ZMYM2: variants seen among roughly 807,000 people sequenced by gnomAD.
The protein encoded by ZMYM2 is zinc finger MYM-type containing 2.
ZMYM2 carries 56 observed loss-of-function variants against 162.8 expected under a neutral mutation model. The observed-to-expected ratio is 0.34, with a 90% CI of 0.28 to 0.43. The LOEUF (loss-of-function observed/expected upper bound fraction) is 0.43, where lower values mean the gene tolerates loss of function less well. ZMYM2 is among the 20% of genes least tolerant of loss of function. ZMYM2 has a pLI of 1.00. For synonymous variants in ZMYM2, 510 were observed against 541.6 expected, an observed-to-expected ratio of 0.94 and a Z score of 0.81; for missense variants, 1,275 against 1,621.8, an observed-to-expected ratio of 0.79 and a Z score of 3.67.
the ZMYM2 span, among the ~76,000 whole-genome samples, chr13:19,918,424 A>G: frequency 6.6e-6 from 1 of 151,924 alleles, no homozygotes; most frequent in East Asian, 1.9e-4. Flanking sequence ...CAGCCTGGGC[A>G]ACAGAGCAAA....
At chr13:20,074,676 C>G (rs1194490012) in intron 21 of ZMYM2, among the ~76,000 whole-genome samples, 1 of 152,016 alleles carries the variant, frequency 6.6e-6, no homozygotes, top group East Asian at 1.9e-4. Flanking sequence ...GTAGCTGGCA[C>G]TACAGGCGCC....
chr13:19,998,611 G>A (rs1407961), intron 3 of ZMYM2, among the ~76,000 whole-genome samples: 26,002 of 152,086 alleles, frequency 0.17, 3,412 homozygotes, highest in African/African-American at 0.37. Flanking sequence ...AAACTGGTCA[G>A]TTACTGTGAT....
Position 20,083,044 on chromosome 13 carries a change from G to T in ZMYM2, c.3820+12G>T. 6.4e-7 allele frequency: 1 copy of T among 1,556,972 alleles called. No homozygotes were observed. Among genetic ancestry groups the T allele is most frequent in the Non-Finnish European group, 8.6e-7 (1 of 1,157,254 alleles). ...AACAGATAATGAAGGTAGTGTAACA[G>T]ATTTCTATTTTTATTTTTATTTTTA... On this transcript the variant is annotated intron_variant, in intron 23 of 24. Coordinates refer to ENST00000610343, the MANE Select transcript of ZMYM2 (RefSeq NM_197968.4).
At chr13:20,016,990 C>T (rs1951684478) in intron 6 of ZMYM2, among the ~76,000 whole-genome samples, 1 of 152,168 alleles carries the variant, frequency 6.6e-6, no homozygotes, top group Non-Finnish European at 1.5e-5. Flanking sequence ...ATTCCATGGG[C>T]CCCTTAGGCT....
intron 21 of ZMYM2, chr13:20,068,223 C>T (rs913280732): frequency 5.5e-6 from 1 of 180,404 alleles, no homozygotes; most frequent in African/African-American, 2.4e-5. Flanking sequence ...TTTTCTTATT[C>T]TCGTTTTATA....
chr13:20,052,731 T>C (rs1052243196), intron 14 of ZMYM2, among the ~76,000 whole-genome samples: 2 of 152,196 alleles, frequency 1.3e-5, no homozygotes, highest in Non-Finnish European at 1.5e-5. Context: ...GAGTAGAAGA[T>C]TGCCAGATAG....
chr13:19,960,925 A>G (rs1282786931), intron 2 of ZMYM2, among the ~76,000 whole-genome samples: 1 of 152,214 alleles, frequency 6.6e-6, no homozygotes, highest in Non-Finnish European at 1.5e-5. Flanking sequence ...ACATGGTTCA[A>G]AAAATAGTGA....
At chr13:20,034,502 C>A (rs1025932230) in intron 11 of ZMYM2, 98 bp downstream of exon 11, 2 of 1,193,778 alleles carry the variant, frequency 1.7e-6, no homozygotes, top group African/African-American at 3.1e-5. Flanking sequence ...TTTAATGTAG[C>A]TGAACAAAAA....
At chr13:20,027,012 G>T (rs1050581453) in intron 8 of ZMYM2, among the ~76,000 whole-genome samples, 191 bp from the exon 9 acceptor site, 2 of 151,830 alleles carry the variant, frequency 1.3e-5, no homozygotes, top group African/African-American at 4.8e-5. Flanking sequence ...CTATATCTAT[G>T]TATGTTTTAG....
rs115187041 is a variant in ZMYM2, at chr13:20,027,476, C to T, written c.1851+158C>T. Among the ~76,000 whole-genome samples the T allele has an allele frequency of 2.4e-3, 370 of 152,104 alleles. 1 individual carries two copies. The highest frequency in any genetic ancestry group is 8.8e-3 in the African/African-American group (364 of 41,526). On this transcript the variant is annotated intron_variant, in intron 9 of 24. Transcript: ENST00000610343. ...CCTAGTCACAGAATATGTGGCTGTACCAGTTTTCTATTTTAGCCTGGATAG... is the reference window on the plus strand; with the variant it reads ...CCTAGTCACAGAATATGTGGCTGTATCAGTTTTCTATTTTAGCCTGGATAG...
chr13:20,008,478 C>T (rs1298525328), intron 6 of ZMYM2, among the ~76,000 whole-genome samples: 2 of 152,202 alleles, frequency 1.3e-5, no homozygotes, highest in Non-Finnish European at 2.9e-5. Flanking sequence ...TAAACTTTAT[C>T]ATAGGTATGT....
chr13:19,992,981 A>T, intron 2 of ZMYM2, 82 bp from the exon 3 acceptor site: 1 of 1,411,060 alleles, frequency 7.1e-7, no homozygotes. Flanking sequence ...AAATAAAAGT[A>T]CCCTTTAAAT....
chr13:19,894,269 C>T, the ZMYM2 span, among the ~76,000 whole-genome samples: 1 of 151,822 alleles, frequency 6.6e-6, no homozygotes, highest in Non-Finnish European at 1.5e-5. Flanking sequence ...TAAATATGCT[C>T]AGATTGTTTA....
chr13:19,900,205 A>C, the ZMYM2 span, among the ~76,000 whole-genome samples: 3 of 152,104 alleles, frequency 2.0e-5, no homozygotes, highest in African/African-American at 7.2e-5. Context: ...AGGCTGAGGC[A>C]TGAGAATCAC....
intron 2 of ZMYM2, among the ~76,000 whole-genome samples, chr13:19,981,186 C>T (rs947054324): frequency 1.3e-5 from 2 of 152,084 alleles, no homozygotes; most frequent in African/African-American, 4.8e-5. Context: ...GTGGGAGAAT[C>T]ACTTGAGTCC....
chr13:19,899,315 CTT>C, the ZMYM2 span, among the ~76,000 whole-genome samples: 1 of 151,892 alleles, frequency 6.6e-6, no homozygotes. Flanking sequence ...TTTTGTAAAA[CTT>C]ATGAAATTCA....
At chr13:19,933,413 G>A in the ZMYM2 span, among the ~76,000 whole-genome samples, 1 of 152,140 alleles carries the variant, frequency 6.6e-6, no homozygotes, top group South Asian at 2.1e-4. Context: ...TGTATGTCTT[G>A]TGTTTATTAT....
the ZMYM2 span, among the ~76,000 whole-genome samples, chr13:19,909,914 A>G: frequency 2.0e-5 from 3 of 151,964 alleles, no homozygotes; most frequent in Admixed American, 1.3e-4. Context: ...GGAAGAAAAC[A>G]TAAAGTTGTA....
chr13:19,920,626 G>A, the ZMYM2 span, among the ~76,000 whole-genome samples: 78 of 151,980 alleles, frequency 5.1e-4, no homozygotes, highest in Admixed American at 1.2e-3. Context: ...AAGGAGAGTC[G>A]GGAGGGGAGC....
Sources: allele counts gnomAD v4.1 joint callset (sites outside exome capture counted in the v4.1 genomes callset), GRCh38; gene constraint gnomAD v4.1.1; transcripts MANE v1.5; gene names NCBI Gene and HGNC (gene_info 2026-07-23, HGNC 2026-07-21).